USP10: variants seen among roughly 807,000 people sequenced by gnomAD.
USP10 encodes ubiquitin specific peptidase 10, also known as ubiquitin carboxyl-terminal hydrolase 10.
USP10 carries 22 observed loss-of-function variants against 84.5 expected under a neutral mutation model. The ratio of observed to expected loss-of-function variants is 0.26; its 90% CI spans 0.19 to 0.37. USP10 has a LOEUF of 0.37. USP10 is among the 10% of genes least tolerant of loss of function. The probability of loss-of-function intolerance (pLI) is 1.00; values close to 1 mark genes in which losing one functional copy is unlikely to be tolerated. For missense variants in USP10, 1,019 were observed against 998.9 expected (o/e 1.02, Z -0.27); for synonymous variants, 454 against 387.6 (o/e 1.17, Z -2.01).
At chr16:84,706,388 G>C (rs1905508500) in intron 1 of USP10, among the ~76,000 whole-genome samples, 1 of 151,674 alleles carries the variant, frequency 6.6e-6, no homozygotes, top group Non-Finnish European at 1.5e-5. Flanking sequence ...GCAAAATTGA[G>C]AGAAAAGTAC....
chr16:84,764,201 C>A lies in USP10; in HGVS notation c.1770C>A (p.Ser590=), dbSNP rs756505225. 4.3e-6 allele frequency: 7 copies of A among 1,613,992 alleles called. No homozygotes were observed. The highest frequency in any genetic ancestry group is 5.9e-6 in the Non-Finnish European group (7 of 1,179,886). The change falls in exon 10 of 14, where the codon TCC becomes TCA. Residue 590 remains serine, a synonymous_variant. Transcript: ENST00000219473. The part of the protein sequence containing the change: ...WEQVGPRNKT[S]VTRQADFVQT... ...AAGTGGGCCCCCGGAACAAGACTTC[C>A]GTCACCCGCCAGGCGGATTTTGTTC... is the stretch of plus-strand genomic sequence containing the variant.
intron 8 of USP10, among the ~76,000 whole-genome samples, chr16:84,762,379 T>A (rs571659358): frequency 9.8e-5 from 15 of 152,308 alleles, no homozygotes; most frequent in African/African-American, 1.9e-4. Flanking sequence ...AACTTTTTTT[T>A]AAATAACTTT....
chr16:84,734,115 G>T (rs1398587385), intron 2 of USP10, among the ~76,000 whole-genome samples: 1 of 152,084 alleles, frequency 6.6e-6, no homozygotes, highest in Non-Finnish European at 1.5e-5. Flanking sequence ...CCCCTCTGTG[G>T]GCTCCTCCGG....
In USP10 at chr16:84,745,209, A is replaced by T; in HGVS notation, c.728A>T (p.Glu243Val). ...GACACCAGGACTGCAGGGCAGCCAG[A>T]GGGGGGCCCCGGGGCTGATTTTGGT... Reference protein sequence around the residue: ...GSDTRTAGQPEGGPGADFGQS... With the variant: ...GSDTRTAGQPVGGPGADFGQS... The change falls in exon 4 of 14, where the codon GAG (glutamate) becomes GTG (valine). Residue 243 changes from glutamate (E) to valine (V), a missense_variant. Coordinates refer to ENST00000219473, the MANE Select transcript of USP10 (RefSeq NM_005153.3). 8 of 1,613,252 alleles carry T rather than the reference A, an allele frequency of 5.0e-6. No homozygotes were observed. Among genetic ancestry groups the T allele is most frequent in the Non-Finnish European group, 6.8e-6 (8 of 1,179,588 alleles).
intron 1 of USP10, among the ~76,000 whole-genome samples, chr16:84,705,885 A>C (rs1296041342): frequency 6.6e-6 from 1 of 151,448 alleles, no homozygotes; most frequent in Non-Finnish European, 1.5e-5. Flanking sequence ...ACGCCCAGCT[A>C]ATTTTTTTGT....
At chr16:84,768,068 C>T in intron 10 of USP10, 125 bp from the exon 11 acceptor site, 1 of 1,167,800 alleles carries the variant, frequency 8.6e-7, no homozygotes. Flanking sequence ...TTTGGCTTTT[C>T]TCTGTGGTCT....
chr16:84,726,196 T>C (rs1280976996), intron 1 of USP10, among the ~76,000 whole-genome samples: 1 of 152,264 alleles, frequency 6.6e-6, no homozygotes, highest in Admixed American at 6.5e-5. Flanking sequence ...ACTTTCAGAA[T>C]GCTGTGCTGC....
intron 1 of USP10, among the ~76,000 whole-genome samples, chr16:84,725,186 C>T (rs573204665): frequency 1.3e-5 from 2 of 152,234 alleles, no homozygotes; most frequent in African/African-American, 4.8e-5. Flanking sequence ...TAGCAGTCAC[C>T]GCCTCCCGCT....
chr16:84,770,554 C>CCT (rs1311950365), intron 11 of USP10, among the ~76,000 whole-genome samples: 1 of 152,038 alleles, frequency 6.6e-6, no homozygotes, highest in Non-Finnish European at 1.5e-5. Flanking sequence ...GGGTGGATCA[C>CCT]GAGGTCAGGA....
At chr16:84,760,087 G>A in intron 7 of USP10, 85 bp from the exon 8 acceptor site, 1 of 1,511,072 alleles carries the variant, frequency 6.6e-7, no homozygotes, top group Non-Finnish European at 9.1e-7. Context: ...CAGGTGGGAG[G>A]TGGGGGAGTT....
rs1239493476 is a variant in USP10, at chr16:84,775,280, A to G, written c.2209+55A>G. The G allele has an allele frequency of 6.4e-6, 10 of 1,560,038 alleles. No individual in the cohort carries two copies. The East Asian group carries it at 1.8e-4, about 28-fold the overall frequency. On this transcript the variant is annotated intron_variant, in intron 13 of 13. Transcript: ENST00000219473. ...CATTAAAACACTGATGAAGGGGTTTACAGCTGGGCACAGGTTTGCTGCAAC... is the reference window on the plus strand; with the variant it reads ...CATTAAAACACTGATGAAGGGGTTTGCAGCTGGGCACAGGTTTGCTGCAAC...
At chr16:84,728,747 C>T (rs921207177) in intron 1 of USP10, among the ~76,000 whole-genome samples, 2 of 152,240 alleles carry the variant, frequency 1.3e-5, no homozygotes, top group South Asian at 4.2e-4. Flanking sequence ...GCAAAAATTA[C>T]CTTTTTTCCT....
At chr16:84,708,746 A>C (rs1237111193) in intron 1 of USP10, 1 of 152,268 alleles carries the variant, frequency 6.6e-6, no homozygotes, top group Non-Finnish European at 1.5e-5. Context: ...CTGACTTGTA[A>C]TAGAATGCAA....
At chr16:84,742,581 GCCTGCATTA>G (rs1191304138) in intron 3 of USP10, among the ~76,000 whole-genome samples, 1 of 152,196 alleles carries the variant, frequency 6.6e-6, no homozygotes, top group East Asian at 1.9e-4. Context: ...AAGAGCCTCT[GCCTGCATTA>G]CCTGAGTATT....
At chr16:84,719,585 C>T (rs1278553827) in intron 1 of USP10, among the ~76,000 whole-genome samples, 1 of 152,156 alleles carries the variant, frequency 6.6e-6, no homozygotes, top group Non-Finnish European at 1.5e-5. Flanking sequence ...TGCTCCCCTG[C>T]TAGGTGAGTA....
intron 1 of USP10, among the ~76,000 whole-genome samples, chr16:84,708,310 T>A (rs950487309): frequency 2.0e-5 from 3 of 151,844 alleles, no homozygotes; most frequent in Non-Finnish European, 4.4e-5. Flanking sequence ...ATTAGCCGAG[T>A]GTGGTGGCGG....
At chr16:84,773,512 A>G (rs573413587) in intron 12 of USP10, among the ~76,000 whole-genome samples, 2 of 152,014 alleles carry the variant, frequency 1.3e-5, no homozygotes, top group Non-Finnish European at 2.9e-5. Flanking sequence ...CTCCCTGTCT[A>G]CCCTAGGGGC....
chr16:84,774,507 G>A (rs962852664), intron 12 of USP10, among the ~76,000 whole-genome samples: 10 of 47,022 alleles, frequency 2.1e-4, no homozygotes, highest in Non-Finnish European at 4.3e-5. Flanking sequence ...TTCTTGCTCT[G>A]TCACCCAGGC....
intron 1 of USP10, among the ~76,000 whole-genome samples, chr16:84,731,617 G>A (rs773849862): frequency 8.5e-5 from 13 of 152,092 alleles, no homozygotes; most frequent in Non-Finnish European, 1.6e-4. Flanking sequence ...TGGCATTCTA[G>A]GAACAAAATC....
Sources: allele counts gnomAD v4.1 joint callset (sites outside exome capture counted in the v4.1 genomes callset), GRCh38; gene constraint gnomAD v4.1.1; transcripts MANE v1.5; gene names NCBI Gene and HGNC (gene_info 2026-07-23, HGNC 2026-07-21).